Variants in TMEM87B observed in about 807,000 individuals in gnomAD.
The protein encoded by TMEM87B is transmembrane protein 87B.
Under a neutral mutation model 80.3 loss-of-function variants are expected in TMEM87B, and 83 were observed. The ratio of observed to expected loss-of-function variants is 1.03; its 90% CI spans 0.87 to 1.24. The LOEUF is 1.24. Among genes scored for constraint, TMEM87B ranks in the 50% most tolerant of loss-of-function variants. TMEM87B has a pLI of 0.00. For missense variants in TMEM87B, 625 were observed against 674.4 expected (o/e 0.93, Z 0.81); for synonymous variants, 219 against 230.5 (o/e 0.95, Z 0.45).
At chr2:112,083,969 G>A (rs1385206861) in intron 8 of TMEM87B, among the ~76,000 whole-genome samples, 1 of 152,188 alleles carries the variant, frequency 6.6e-6, no homozygotes, top group Non-Finnish European at 1.5e-5. Context: ...GGTGAAATCT[G>A]ATGATCTTGA....
chr2:112,058,188 G>A (rs1478343424), intron 1 of TMEM87B, among the ~76,000 whole-genome samples: 1 of 152,220 alleles, frequency 6.6e-6, no homozygotes, highest in East Asian at 1.9e-4. Flanking sequence ...CAGAGCAGCA[G>A]CAGTGCAGGA....
Position 112,066,849 on chromosome 2 carries a change from T to C in TMEM87B, c.319-87T>C, listed in dbSNP as rs192296211. On this transcript the variant is annotated intron_variant, in intron 3 of 18. Coordinates refer to ENST00000283206, the MANE Select transcript of TMEM87B (RefSeq NM_032824.3). ...AGGTATTTCAAACTGAATATACTTTTGGTATTATTTAGACATTAACTTTTA... is the reference window on the plus strand; with the variant it reads ...AGGTATTTCAAACTGAATATACTTTCGGTATTATTTAGACATTAACTTTTA... The C allele has an allele frequency of 2.0e-3, 2,384 of 1,194,742 alleles. 3 individuals are homozygous for C. Among genetic ancestry groups the C allele is most frequent in the Non-Finnish European group, 2.4e-3 (2,134 of 877,402 alleles). 74.0% of individuals were successfully genotyped at this position (1,194,742 alleles called of 1,614,324 possible). A position where few individuals can be genotyped will look rare whatever the true frequency, so the allele number is the denominator to read the frequency against.
At chr2:112,055,943 C>G (rs1368024951) in intron 1 of TMEM87B, among the ~76,000 whole-genome samples, 187 bp downstream of exon 1, 1 of 152,240 alleles carries the variant, frequency 6.6e-6, no homozygotes, top group African/African-American at 2.4e-5. Context: ...CCGGCCCGAC[C>G]TGGGCTGCAG....
chr2:112,059,502 G>T (rs900891088), intron 1 of TMEM87B, among the ~76,000 whole-genome samples: 4 of 152,146 alleles, frequency 2.6e-5, no homozygotes, highest in African/African-American at 9.7e-5. Flanking sequence ...TCTGGAACTG[G>T]AAAGTTGAGA....
chr2:112,069,668 T>G (rs1044907866), intron 4 of TMEM87B, among the ~76,000 whole-genome samples: 2 of 152,212 alleles, frequency 1.3e-5, no homozygotes, highest in African/African-American at 4.8e-5. Flanking sequence ...TTTATATCCC[T>G]TTGGGTATAT....
At chr2:112,111,999 G>C (rs1342464633) in intron 17 of TMEM87B, among the ~76,000 whole-genome samples, 1 of 152,230 alleles carries the variant, frequency 6.6e-6, no homozygotes, top group East Asian at 1.9e-4. Context: ...CTCTAACGCC[G>C]TCTTCTCCCC....
intron 1 of TMEM87B, among the ~76,000 whole-genome samples, chr2:112,057,007 A>G (rs1425336195): frequency 6.6e-6 from 1 of 152,232 alleles, no homozygotes; most frequent in African/African-American, 2.4e-5. Context: ...ATCTGTATAG[A>G]TCTTTGCTAA....
rs767669282 is a variant in TMEM87B at position 112,089,643 on chromosome 2, C to A, written c.957C>A (p.Val319=). 4 of 1,614,110 alleles carry A rather than the reference C, an allele frequency of 2.5e-6. No individual in the cohort carries two copies. The highest frequency in any genetic ancestry group is 1.1e-5 in the South Asian group (1 of 91,062). The change falls in exon 10 of 19, where the codon GTC becomes GTA. Residue 319 remains valine (V), a synonymous_variant. Transcript: ENST00000283206. The part of the protein sequence containing the change: ...YGIVKPRLGT[V]MHRVIGLGLL... ...ATTCCAGGCCTCGTTTAGGAACAGT[C>A]ATGCACCGGGTGATCGGACTGGGGC...
At chr2:112,095,396 C>T (rs1679438719) in intron 11 of TMEM87B, 1 of 984,618 alleles carries the variant, frequency 1.0e-6, no homozygotes, top group Non-Finnish European at 1.2e-6. Flanking sequence ...GAATGATTTA[C>T]ACTTTACCTA....
At chr2:112,071,113 T>C (rs1001734031) in intron 4 of TMEM87B, among the ~76,000 whole-genome samples, 1 of 151,338 alleles carries the variant, frequency 6.6e-6, no homozygotes, top group Non-Finnish European at 1.5e-5. Flanking sequence ...CATGAGCCAC[T>C]GCGCCCGGCT....
At position 112,081,335 on chromosome 2, in the gene TMEM87B, T is replaced by C. The variant is rs759169505; in HGVS notation, c.655T>C (p.Phe219Leu). The C allele has an allele frequency of 2.7e-5, 43 of 1,591,676 alleles. No individual in the cohort carries two copies. The highest frequency in any genetic ancestry group is 3.6e-5 in the Non-Finnish European group (42 of 1,172,180). ...ACTAAAATTGCTTCTCTTCCTACAG[T>C]TTTACATGGTGATGTGTATTGTTTA... ...ISASDWPLMIFYMVMCIVYIL... is the reference protein window; with the variant it reads ...ISASDWPLMILYMVMCIVYIL... The change falls in exon 8 of 19, where the codon TTT (phenylalanine) becomes CTT (leucine). Residue 219 changes from phenylalanine to leucine, a missense_variant and splice_region_variant. By Grantham distance (22) the Phe-to-Leu change is conservative. Coordinates refer to ENST00000283206, the MANE Select transcript of TMEM87B (RefSeq NM_032824.3).
intron 17 of TMEM87B, among the ~76,000 whole-genome samples, chr2:112,109,882 T>C (rs1679868317): frequency 6.6e-6 from 1 of 151,260 alleles, no homozygotes; most frequent in African/African-American, 2.4e-5. Flanking sequence ...TTCTTCTGCC[T>C]CAGCCTCCTG....
At chr2:112,110,846 G>A (rs1216558567) in intron 17 of TMEM87B, among the ~76,000 whole-genome samples, 1 of 152,052 alleles carries the variant, frequency 6.6e-6, no homozygotes, top group African/African-American at 2.4e-5. Context: ...GTTCAAGGGT[G>A]CTGCTTTTTG....
intron 17 of TMEM87B, among the ~76,000 whole-genome samples, chr2:112,109,687 G>C (rs971038332): frequency 2.1e-5 from 1 of 47,612 alleles, no homozygotes; most frequent in Non-Finnish European, 3.9e-5. Flanking sequence ...TTTTTTTTTT[G>C]TCTATCCTCC....
intron 11 of TMEM87B, among the ~76,000 whole-genome samples, chr2:112,095,672 T>C (rs1476981754): frequency 1.3e-5 from 2 of 152,194 alleles, no homozygotes; most frequent in East Asian, 3.8e-4. Flanking sequence ...AATTTGTTGG[T>C]CATTTAGAAG....
chr2:112,106,325 G>A (rs960080377), intron 16 of TMEM87B, among the ~76,000 whole-genome samples: 4 of 152,044 alleles, frequency 2.6e-5, no homozygotes, highest in Non-Finnish European at 5.9e-5. Context: ...CATCATCTGG[G>A]AACTTGTTAG....
At chr2:112,056,079 ATC>A (rs949441845) in intron 1 of TMEM87B, among the ~76,000 whole-genome samples, 2 of 151,962 alleles carry the variant, frequency 1.3e-5, no homozygotes, top group African/African-American at 2.4e-5. Flanking sequence ...TGGATCAGGA[ATC>A]TCTCGGCACA....
intron 16 of TMEM87B, among the ~76,000 whole-genome samples, chr2:112,107,441 T>C (rs964955364): frequency 4.6e-5 from 7 of 151,452 alleles, no homozygotes; most frequent in Non-Finnish European, 8.8e-5. Context: ...CTAGAACAAA[T>C]TAGGAGGCAT....
chr2:112,080,028 C>T (rs1678942453), intron 6 of TMEM87B, among the ~76,000 whole-genome samples: 1 of 139,640 alleles, frequency 7.2e-6, no homozygotes, highest in Non-Finnish European at 1.5e-5. Flanking sequence ...CTCCTGGGTT[C>T]AAGTGATTCT....
Sources: gnomAD v4.1 joint callset for allele counts (sites outside exome capture counted in the v4.1 genomes callset) on GRCh38, gnomAD v4.1.1 for gene constraint, MANE v1.5 for transcripts, NCBI Gene and HGNC (gene_info 2026-07-23, HGNC 2026-07-21) for gene names.